The following ZDHHC7 variants were observed in gnomAD, a reference collection of about 807,000 sequenced individuals.
The protein encoded by ZDHHC7 is zDHHC palmitoyltransferase 7.
ZDHHC7 carries 12 observed loss-of-function variants against 34.1 expected under a neutral mutation model. That is an observed-to-expected ratio of 0.35 (90% confidence interval 0.23 to 0.57). The LOEUF is 0.57. Ranked by LOEUF, ZDHHC7 falls within the 20% of genes least tolerant of loss-of-function variation. ZDHHC7 has a pLI of 0.84. For missense variants in ZDHHC7, 388 were observed against 402.7 expected, an observed-to-expected ratio of 0.96 and a Z score of 0.31; for synonymous variants, 185 against 155.4, an observed-to-expected ratio of 1.19 and a Z score of -1.42.
At chr16:85,020,280 A>G in the ZDHHC7 span, among the ~76,000 whole-genome samples, 1 of 152,206 alleles carries the variant, frequency 6.6e-6, no homozygotes, top group Non-Finnish European at 1.5e-5. Flanking sequence ...TCTCCCTGCG[A>G]TCCTGGTTTT....
At chr16:85,026,448 C>T in the ZDHHC7 span, among the ~76,000 whole-genome samples, 1 of 152,060 alleles carries the variant, frequency 6.6e-6, no homozygotes, top group African/African-American at 2.4e-5. Context: ...TGGCCACACC[C>T]AGTTGGTCAA....
intron 1 of ZDHHC7, among the ~76,000 whole-genome samples, chr16:85,008,340 G>A (rs983870070): frequency 6.6e-6 from 1 of 151,956 alleles, no homozygotes; most frequent in Non-Finnish European, 1.5e-5. Context: ...ACTCAGGTGA[G>A]CTTCCCAGGC....
intron 3 of ZDHHC7, among the ~76,000 whole-genome samples, chr16:84,982,904 C>A (rs775088330): frequency 1.3e-5 from 2 of 152,250 alleles, no homozygotes; most frequent in African/African-American, 4.8e-5. Context: ...AGTCACCCTA[C>A]CAGCACCATG....
chr16:84,977,233 C>T lies in ZDHHC7; in HGVS notation c.620-8G>A, dbSNP rs773651813. On this transcript the variant is annotated splice_polypyrimidine_tract_variant and splice_region_variant and intron_variant, in intron 6 of 7. Coordinates refer to ENST00000313732, the MANE Select transcript of ZDHHC7 (RefSeq NM_017740.3). ...GTGAAAAATCACTGCATTCTGCGGA[C>T]AAGAGGAAGTTGGTTATAACTGGTC... The T allele has an allele frequency of 1.9e-6, 3 of 1,613,876 alleles. No individual in the cohort carries two copies. The highest frequency in any genetic ancestry group is 2.2e-5 in the South Asian group (2 of 91,058).
At chr16:84,999,644 T>C (rs2072627975) in intron 1 of ZDHHC7, among the ~76,000 whole-genome samples, 1 of 152,228 alleles carries the variant, frequency 6.6e-6, no homozygotes, top group Non-Finnish European at 1.5e-5. Context: ...ATGTGTATGA[T>C]ATTCTAAATG....
rs1204610737 is a variant in ZDHHC7, at chr16:84,974,675, T to A, written c.*1668A>T. On this transcript the variant is annotated 3_prime_UTR_variant, in exon 8 of 8. Transcript: ENST00000313732. ...ACCCAGACAACAATGTGCAAATGAA[T>A]ATGCAGAACAATCTCGGAAACTGGC... 2.0e-5 allele frequency: 3 copies of A among 152,688 alleles called. No individual in the cohort carries two copies. Among genetic ancestry groups the A allele is most frequent in the Non-Finnish European group, 4.4e-5 (3 of 68,050 alleles). 9.5% of individuals were successfully genotyped at this position (152,688 alleles called of 1,614,324 possible).
chr16:85,001,331 C>T (rs1313612828), intron 1 of ZDHHC7, among the ~76,000 whole-genome samples: 1 of 151,996 alleles, frequency 6.6e-6, no homozygotes, highest in African/African-American at 2.4e-5. Flanking sequence ...ATTAGCCAGG[C>T]ATGGTGGCCA....
At chr16:84,998,399 G>A (rs922776949) in intron 1 of ZDHHC7, among the ~76,000 whole-genome samples, 14 of 152,102 alleles carry the variant, frequency 9.2e-5, no homozygotes, top group Non-Finnish European at 1.8e-4. Context: ...CTTCGGCGCC[G>A]GCTGCCTGGC....
intron 1 of ZDHHC7, among the ~76,000 whole-genome samples, chr16:85,007,681 G>T (rs147438150): frequency 6.6e-6 from 1 of 151,942 alleles, no homozygotes. Context: ...ATGGATATTC[G>T]AAGACATTTT....
intron 4 of ZDHHC7, among the ~76,000 whole-genome samples, chr16:84,979,787 A>C (rs1392166099): frequency 6.6e-6 from 1 of 152,058 alleles, no homozygotes; most frequent in East Asian, 1.9e-4. Context: ...TGTTTTTAAC[A>C]GCTGTATTTT....
chr16:84,988,940 G>T (rs2072473055), intron 3 of ZDHHC7: 2 of 1,488,566 alleles, frequency 1.3e-6, no homozygotes, highest in African/African-American at 1.4e-5. Context: ...CCTCTCCTTT[G>T]TCGAAGTGCC....
chr16:84,998,817 G>T, intron 1 of ZDHHC7, among the ~76,000 whole-genome samples: 1 of 146,876 alleles, frequency 6.8e-6, no homozygotes, highest in East Asian at 2.0e-4. Context: ...GCAGTGGCGC[G>T]ATCTCGGCTC....
chr16:85,023,821 T>C, the ZDHHC7 span, among the ~76,000 whole-genome samples: 1 of 152,090 alleles, frequency 6.6e-6, no homozygotes, highest in Non-Finnish European at 1.5e-5. Flanking sequence ...GGTTTCACCA[T>C]GTTGCCCATG....
intron 3 of ZDHHC7, among the ~76,000 whole-genome samples, chr16:84,984,833 G>T (rs1183192900): frequency 1.3e-5 from 2 of 152,050 alleles, no homozygotes; most frequent in Non-Finnish European, 2.9e-5. Flanking sequence ...TGAGCCTTTC[G>T]AGATGTGGTT....
In ZDHHC7 at chr16:84,990,403, A is replaced by G. The variant is rs200458697; in HGVS notation, c.216T>C (p.Pro72=). The G allele has an allele frequency of 1.0e-4, 161 of 1,614,052 alleles. No individual in the cohort carries two copies. The highest frequency in any genetic ancestry group is 1.3e-4 in the Non-Finnish European group (155 of 1,180,042). ...CCACAGAGTACCAGAAGTCTTTGGA[A>G]GGCAGCAGCATGACGAAAGTCACCA... ...DFVVTFVMLL[P]SKDFWYSVVN... The change falls in exon 3 of 8, where the codon CCT becomes CCC. Residue 72 remains proline, a synonymous_variant. Coordinates refer to ENST00000313732, the MANE Select transcript of ZDHHC7 (RefSeq NM_017740.3).
intron 1 of ZDHHC7, among the ~76,000 whole-genome samples, chr16:85,007,864 C>G (rs955069717): frequency 6.6e-6 from 1 of 151,974 alleles, no homozygotes; most frequent in African/African-American, 2.4e-5. Flanking sequence ...AGGCCAGGCA[C>G]AGTATAACAT....
chr16:84,990,638 G>A lies in ZDHHC7; in HGVS notation c.-17-3C>T. ...CTGCATGATTTCCCTGACGCACCCT[G>A]GGGAGGGGGACGACACAGAGCTGGT... On this transcript the variant is annotated splice_polypyrimidine_tract_variant and splice_region_variant and intron_variant, in intron 2 of 7. Coordinates refer to ENST00000313732, the MANE Select transcript of ZDHHC7 (RefSeq NM_017740.3). 2 of 1,607,920 alleles carry A rather than the reference G, an allele frequency of 1.2e-6. No individual in the cohort carries two copies. Among genetic ancestry groups the A allele is most frequent in the Non-Finnish European group, 1.7e-6 (2 of 1,176,748 alleles).
At chr16:85,007,903 G>C (rs1216823706) in intron 1 of ZDHHC7, among the ~76,000 whole-genome samples, 1 of 152,010 alleles carries the variant, frequency 6.6e-6, no homozygotes, top group Non-Finnish European at 1.5e-5. Flanking sequence ...CAGGTGGATT[G>C]CTTGGGCCCA....
At chr16:85,022,185 T>C in the ZDHHC7 span, among the ~76,000 whole-genome samples, 1 of 145,692 alleles carries the variant, frequency 6.9e-6, no homozygotes, top group African/African-American at 2.5e-5. Context: ...CAAAGACAGA[T>C]ACAGGGAAAT....
Sources: allele counts gnomAD v4.1 joint callset (sites outside exome capture counted in the v4.1 genomes callset), GRCh38; gene constraint gnomAD v4.1.1; transcripts MANE v1.5; gene names NCBI Gene and HGNC (gene_info 2026-07-23, HGNC 2026-07-21).